C2CD3: variants seen among roughly 807,000 people sequenced by gnomAD.
The protein encoded by C2CD3 is C2 domain-containing protein 3.
A neutral mutation model predicts 234.0 loss-of-function variants in C2CD3; 148 were observed. The ratio of observed to expected loss-of-function variants is 0.63; its 90% confidence interval spans 0.55 to 0.72. The LOEUF (loss-of-function observed/expected upper bound fraction) is 0.72, where lower values mean the gene tolerates loss of function less well. Ranked by LOEUF, C2CD3 falls within the 30% of genes least tolerant of loss-of-function variation. C2CD3 has a pLI of 0.00. For synonymous variants in C2CD3, 1,000 were observed against 1,035.4 expected, an observed-to-expected ratio of 0.97 and a Z score of 0.66; for missense variants, 2,577 against 2,811.5, an observed-to-expected ratio of 0.92 and a Z score of 1.89.
At position 74,106,553 on chromosome 11, in the gene C2CD3, A is replaced by C. The variant is rs541674120; in HGVS notation, c.1963-60T>G. The C allele has an allele frequency of 3.7e-4, 563 of 1,522,480 alleles. 6 individuals are homozygous for C. In the South Asian group the frequency reaches 5.4e-3, roughly 15 times the overall value. 94.3% of individuals were successfully genotyped at this position (1,522,480 alleles called of 1,614,324 possible). A position where few individuals can be genotyped will look rare whatever the true frequency, so the allele number is the denominator to read the frequency against. ...TAAAGAGAAGCCACAGGTGATCTTA[A>C]TTAAAGTGACAACATATGATGGCTT... is the stretch of plus-strand genomic sequence containing the variant. On this transcript the variant is annotated intron_variant, in intron 12 of 32. Coordinates refer to ENST00000334126, the MANE Select transcript of C2CD3 (RefSeq NM_001286577.2).
chr11:74,154,178 C>A (rs1369429184), intron 3 of C2CD3, among the ~76,000 whole-genome samples: 2 of 151,872 alleles, frequency 1.3e-5, no homozygotes, highest in Admixed American at 1.3e-4. Context: ...TTAGGTAGGC[C>A]TGAGTTTATA....
intron 24 of C2CD3, among the ~76,000 whole-genome samples, chr11:74,061,657 C>T (rs560531069): frequency 2.0e-4 from 31 of 152,256 alleles, no homozygotes; most frequent in Non-Finnish European, 3.5e-4. Flanking sequence ...CAGTACTGGC[C>T]GCTCCACAAA....
chr11:74,092,672 G>T, intron 18 of C2CD3, 84 bp from the exon 19 acceptor site: 1 of 1,081,394 alleles, frequency 9.2e-7, no homozygotes, highest in East Asian at 2.5e-5. Flanking sequence ...TTCACTACCT[G>T]GTTATCTTTG....
At chr11:74,128,792 C>G (rs1341053026) in intron 7 of C2CD3, 2 of 167,992 alleles carry the variant, frequency 1.2e-5, no homozygotes, top group African/African-American at 4.8e-5. Flanking sequence ...CAAAGCACAT[C>G]TTGCACCGCC....
At chr11:74,085,571 A>C (rs1271187138) in intron 21 of C2CD3, 47 bp downstream of exon 21, 1 of 1,601,218 alleles carries the variant, frequency 6.2e-7, no homozygotes, top group African/African-American at 1.3e-5. Context: ...ACTATTCACA[A>C]TGCAGCCTCT....
At chr11:74,160,555 T>C (rs1287534680) in intron 3 of C2CD3, among the ~76,000 whole-genome samples, 9 of 151,902 alleles carry the variant, frequency 5.9e-5, no homozygotes, top group Non-Finnish European at 1.0e-4. Flanking sequence ...CTCATACAAG[T>C]AGAGCAGAAT....
rs1169010888 is a variant in C2CD3 at position 74,123,067 on chromosome 11, C to T, written c.1286G>A (p.Ser429Asn). Reference sequence around the variant, plus strand: ...CAGCTCACTGATGCAATACACATCACTCCCAGGAGATGGGGAATCTGGAGG... The same window carrying T: ...CAGCTCACTGATGCAATACACATCATTCCCAGGAGATGGGGAATCTGGAGG... ...GSPPDSPSPGSDVYCISELND... is the reference protein window; with the variant it reads ...GSPPDSPSPGNDVYCISELND... Residue 429 changes from serine to asparagine, a missense_variant, in exon 8 of 33, where the codon AGT becomes AAT. Coordinates refer to ENST00000334126, the MANE Select transcript of C2CD3 (RefSeq NM_001286577.2). The T allele has an allele frequency of 6.2e-7, 1 of 1,612,578 alleles. No individual in the cohort carries two copies. Among genetic ancestry groups the T allele is most frequent in the Admixed American group, 1.7e-5 (1 of 60,010 alleles).
At chr11:74,161,228 G>C (rs1213014449) in intron 3 of C2CD3, among the ~76,000 whole-genome samples, 171 bp downstream of exon 3, 1 of 152,162 alleles carries the variant, frequency 6.6e-6, no homozygotes, top group Non-Finnish European at 1.5e-5. Flanking sequence ...AGAGGATTTG[G>C]ATAAGTGGGA....
intron 31 of C2CD3, among the ~76,000 whole-genome samples, chr11:74,028,824 G>A (rs964204290): frequency 2.7e-4 from 41 of 152,232 alleles, no homozygotes; most frequent in African/African-American, 8.7e-4. Flanking sequence ...GGTAGCAGGC[G>A]TTGAATGATT....
At chr11:74,160,116 C>T (rs1590968966) in intron 3 of C2CD3, among the ~76,000 whole-genome samples, 1 of 152,064 alleles carries the variant, frequency 6.6e-6, no homozygotes, top group South Asian at 2.1e-4. Context: ...TAGGCTATAC[C>T]CTAAGCCTAG....
chr11:74,149,641 A>T (rs1855463980), intron 3 of C2CD3, among the ~76,000 whole-genome samples: 1 of 150,646 alleles, frequency 6.6e-6, no homozygotes, highest in African/African-American at 2.4e-5. Context: ...CTTAGCATAT[A>T]CTCCAATTTG....
chr11:74,116,819 CATAT>C (rs150737547), intron 9 of C2CD3, among the ~76,000 whole-genome samples: 18 of 140,658 alleles, frequency 1.3e-4, no homozygotes, highest in African/African-American at 4.7e-4. Flanking sequence ...TATACACACA[CATAT>C]ATACGTGTGT....
intron 24 of C2CD3, among the ~76,000 whole-genome samples, chr11:74,072,591 CAGAG>C (rs2135458275): frequency 1.3e-5 from 2 of 152,250 alleles, no homozygotes; most frequent in East Asian, 3.9e-4. Flanking sequence ...AAATTCAAGA[CAGAG>C]AGAAAGAATA....
chr11:74,095,482 G>T, intron 16 of C2CD3, 74 bp from the exon 17 acceptor site: 1 of 1,155,264 alleles, frequency 8.7e-7, no homozygotes, highest in Non-Finnish European at 1.2e-6. Context: ...TCTCTATGAA[G>T]TCTGAGTATA....
chr11:74,106,398 A>C lies in C2CD3; in HGVS notation c.2058T>G (p.Asn686Lys), dbSNP rs1332390137. ...FSDQLPVQQE[N>K]GQSPFGPLKV... is the part of the protein sequence containing the mutation. ...TGAGGGGGCCAAATGGAGACTGACC[A>C]TTTTCTTGTTGCACTGGAAGCTGAT... The change falls in exon 13 of 33, where the codon AAT (asparagine) becomes AAG (lysine). Residue 686 changes from asparagine to lysine, a missense_variant. Asn to Lys is a moderately conservative substitution (Grantham distance 94). Coordinates refer to ENST00000334126, the MANE Select transcript of C2CD3 (RefSeq NM_001286577.2). The C allele has an allele frequency of 3.1e-6, 5 of 1,613,934 alleles. No individual in the cohort carries two copies. The highest frequency in any genetic ancestry group is 3.4e-6 in the Non-Finnish European group (4 of 1,179,988).
intron 31 of C2CD3, among the ~76,000 whole-genome samples, chr11:74,032,169 C>T (rs1055495569): frequency 6.6e-5 from 10 of 152,080 alleles, no homozygotes; most frequent in South Asian, 2.1e-4. Context: ...AAGGGATTTC[C>T]GCCTCCATTT....
In C2CD3 at chr11:74,092,472, T is replaced by TTA. The variant is rs771250864; in HGVS notation, c.3459_3460dup (p.Asn1154IlefsTer5). The TTA allele has an allele frequency of 6.2e-7, 1 of 1,613,952 alleles. No homozygotes were observed. Among genetic ancestry groups the TTA allele is most frequent in the Admixed American group, 1.7e-5 (1 of 60,028 alleles). Reference sequence around the variant, plus strand: ...CTCAATCCTGGGGGTTAAAGGGAGATTAAAGGTCTGTATTCCCACATCCTC... The same window carrying TTA: ...CTCAATCCTGGGGGTTAAAGGGAGATTATAAAGGTCTGTATTCCCACATCCTC... On this transcript the variant is annotated frameshift_variant, in exon 19 of 33. Transcript: ENST00000334126. LOFTEE classifies it high-confidence loss of function.
intron 2 of C2CD3, among the ~76,000 whole-genome samples, chr11:74,166,667 T>C (rs1306831389): frequency 6.6e-6 from 1 of 152,204 alleles, no homozygotes; most frequent in African/African-American, 2.4e-5. Flanking sequence ...TTATATACTG[T>C]CTGGCATTGC....
At chr11:74,144,476 G>A (rs566582281) in intron 3 of C2CD3, among the ~76,000 whole-genome samples, 1 of 152,112 alleles carries the variant, frequency 6.6e-6, no homozygotes, top group African/African-American at 2.4e-5. Context: ...TTAGGTTCGG[G>A]GTACATGTGC....
Sources: allele counts gnomAD v4.1 joint callset (sites outside exome capture counted in the v4.1 genomes callset), GRCh38; gene constraint gnomAD v4.1.1; transcripts MANE v1.5; gene names NCBI Gene and HGNC (gene_info 2026-07-23, HGNC 2026-07-21).